NUBPL: variants seen among roughly 807,000 people sequenced by gnomAD.
The protein encoded by NUBPL is NUBP iron-sulfur cluster assembly factor, mitochondrial, also known as iron-sulfur cluster transfer protein NUBPL.
In NUBPL, 31 loss-of-function variants were observed where a neutral mutation model predicts 45.7. The observed-to-expected ratio is 0.68, with a 90% confidence interval of 0.51 to 0.92. NUBPL has a LOEUF of 0.92. NUBPL is among the 40% of genes least tolerant of loss of function. The pLI, the probability that NUBPL is intolerant of heterozygous loss-of-function variation, is 0.00. For synonymous variants in NUBPL, 144 were observed against 140.9 expected (o/e 1.02, Z -0.15); for missense variants, 401 against 398.7 (o/e 1.01, Z -0.05).
intron 8 of NUBPL, among the ~76,000 whole-genome samples, chr14:31,841,909 A>G (rs8022995): frequency 0.48 from 48,615 of 101,052 alleles, 10,034 homozygotes; most frequent in Middle Eastern, 0.62. Context: ...GTATGGGTCG[A>G]TTCTGGGCTT....
rs2033906121 is a variant in NUBPL, at chr14:31,583,096, A to T, written c.292-16193A>T. ...GGAAATGATTGTGATAATATAAATG[A>T]TGTTTTATTTTTATACATGATTAGA... On this transcript the variant is annotated intron_variant, in intron 3 of 10. Transcript: ENST00000281081. 1.3e-5 allele frequency among the ~76,000 whole-genome samples: 2 copies of T among 152,188 alleles called. 1 individual carries two copies. The highest frequency in any genetic ancestry group is 4.1e-4 in the South Asian group (2 of 4,828).
chr14:31,734,078 T>C (rs1299050219), intron 6 of NUBPL, among the ~76,000 whole-genome samples: 1 of 152,194 alleles, frequency 6.6e-6, no homozygotes, highest in Non-Finnish European at 1.5e-5. Flanking sequence ...AAATCAACCT[T>C]GTATTCCTGG....
At chr14:31,562,376 TTGGAGTTAG>T (rs2033311690) in intron 2 of NUBPL, among the ~76,000 whole-genome samples, 161 bp downstream of exon 2, 1 of 152,176 alleles carries the variant, frequency 6.6e-6, no homozygotes. Flanking sequence ...CGCTTAGATT[TTGGAGTTAG>T]ACAAAAGTAG....
chr14:31,789,340 T>A (rs553062366), intron 7 of NUBPL, among the ~76,000 whole-genome samples: 11 of 151,610 alleles, frequency 7.3e-5, no homozygotes, highest in East Asian at 1.9e-4. Context: ...AGAAAAAAAA[T>A]AAATAAATAA....
chr14:31,785,472 T>C (rs2039267397), intron 6 of NUBPL, among the ~76,000 whole-genome samples: 1 of 152,142 alleles, frequency 6.6e-6, no homozygotes, highest in Non-Finnish European at 1.5e-5. Flanking sequence ...GCACACTCCT[T>C]GTGAAAATCT....
At chr14:31,572,156 T>G (rs2033602690) in intron 3 of NUBPL, among the ~76,000 whole-genome samples, 1 of 152,080 alleles carries the variant, frequency 6.6e-6, no homozygotes, top group South Asian at 2.1e-4. Context: ...TTAATTTTTT[T>G]TGTGATGGAG....
At chr14:31,802,816 G>C (rs529745834) in intron 7 of NUBPL, among the ~76,000 whole-genome samples, 1 of 152,328 alleles carries the variant, frequency 6.6e-6, no homozygotes, top group East Asian at 1.9e-4. Flanking sequence ...CCTGCTGATA[G>C]AAGGAAAGCC....
intron 6 of NUBPL, among the ~76,000 whole-genome samples, chr14:31,751,536 G>C (rs1320243638): frequency 6.6e-6 from 1 of 152,202 alleles, no homozygotes; most frequent in Non-Finnish European, 1.5e-5. Flanking sequence ...TCACATTTAG[G>C]GCATGCTGAT....
At chr14:31,782,113 C>G (rs1472466850) in intron 6 of NUBPL, among the ~76,000 whole-genome samples, 1 of 152,026 alleles carries the variant, frequency 6.6e-6, no homozygotes, top group Non-Finnish European at 1.5e-5. Flanking sequence ...AAAAACACAC[C>G]TGGCCAGGTG....
rs189927708 is a variant in NUBPL, at chr14:31,676,185, G to A, written c.513+2611G>A. The stretch of plus-strand genomic sequence containing the variant: ...CTACAAGGCATGCGCCACCACGCCT[G>A]GCTAATTTTGTATTTTTAGTAGGGA... On this transcript the variant is annotated intron_variant, in intron 6 of 10. Transcript: ENST00000281081. Among the ~76,000 whole-genome samples, 5 of 152,134 alleles carry A rather than the reference G, an allele frequency of 3.3e-5. No individual in the cohort carries two copies. In the East Asian group the frequency reaches 7.7e-4, roughly 24 times the overall value.
At chr14:31,626,254 T>C (rs2035203713) in intron 4 of NUBPL, among the ~76,000 whole-genome samples, 1 of 151,976 alleles carries the variant, frequency 6.6e-6, no homozygotes, top group Admixed American at 6.6e-5. Flanking sequence ...GCCTCCTGGG[T>C]TCAAGCGATC....
chr14:31,683,217 C>T (rs767378884), intron 6 of NUBPL, among the ~76,000 whole-genome samples: 3 of 151,524 alleles, frequency 2.0e-5, no homozygotes, highest in Non-Finnish European at 4.4e-5. Flanking sequence ...ACTATAGCAC[C>T]CTGTAACAAT....
chr14:31,593,098 TATA>T (rs1346728228), intron 3 of NUBPL, among the ~76,000 whole-genome samples: 2 of 152,072 alleles, frequency 1.3e-5, no homozygotes, highest in Non-Finnish European at 2.9e-5. Flanking sequence ...AAAAATACAG[TATA>T]ATAACAATTT....
At chr14:31,621,133 C>A (rs1248472157) in intron 4 of NUBPL, among the ~76,000 whole-genome samples, 2 of 152,174 alleles carry the variant, frequency 1.3e-5, no homozygotes, top group South Asian at 2.1e-4. Flanking sequence ...GCTCCTCCCC[C>A]TACGAAGGTC....
intron 8 of NUBPL, among the ~76,000 whole-genome samples, chr14:31,840,568 C>A (rs2040353370): frequency 7.7e-6 from 1 of 130,618 alleles, no homozygotes. Flanking sequence ...AGCAAGACTC[C>A]ACATCTCAAA....
intron 4 of NUBPL, among the ~76,000 whole-genome samples, chr14:31,635,208 T>C (rs1378548327): frequency 6.6e-6 from 1 of 151,884 alleles, no homozygotes; most frequent in Non-Finnish European, 1.5e-5. Context: ...TCTTCTAGGG[T>C]TTTTATGGTT....
intron 3 of NUBPL, among the ~76,000 whole-genome samples, chr14:31,592,621 A>T (rs951169576): frequency 2.0e-5 from 3 of 152,160 alleles, no homozygotes; most frequent in African/African-American, 7.2e-5. Flanking sequence ...TTTAAAAAAA[A>T]ATCATTTAAA....
At chr14:31,585,542 A>T (rs2033973971) in intron 3 of NUBPL, among the ~76,000 whole-genome samples, 1 of 152,152 alleles carries the variant, frequency 6.6e-6, no homozygotes, top group South Asian at 2.1e-4. Context: ...CGTATGTTTC[A>T]GTTCTCTTAG....
intron 6 of NUBPL, among the ~76,000 whole-genome samples, chr14:31,743,645 G>A (rs1298155565): frequency 6.6e-6 from 1 of 152,204 alleles, no homozygotes; most frequent in African/African-American, 2.4e-5. Context: ...CTCCGAAAGT[G>A]CTGGGATTAG....
Sources: allele counts gnomAD v4.1 joint callset (sites outside exome capture counted in the v4.1 genomes callset), GRCh38; gene constraint gnomAD v4.1.1; transcripts MANE v1.5; gene names NCBI Gene and HGNC (gene_info 2026-07-23, HGNC 2026-07-21).